The following TCF7L1 variants were observed in gnomAD, a reference collection of about 807,000 sequenced individuals.
The protein encoded by TCF7L1 is transcription factor 7 like 1, also known as transcription factor 7-like 1.
A neutral mutation model predicts 63.7 loss-of-function variants in TCF7L1; 18 were observed. That is an observed-to-expected ratio of 0.28 (90% CI 0.20 to 0.42). The LOEUF is 0.42. TCF7L1 is among the 10% of genes least tolerant of loss of function. The probability of loss-of-function intolerance (pLI) is 1.00; values close to 1 mark genes in which losing one functional copy is unlikely to be tolerated. For synonymous variants in TCF7L1, 355 were observed against 340.9 expected, an observed-to-expected ratio of 1.04 and a Z score of -0.46; for missense variants, 654 against 779.3, an observed-to-expected ratio of 0.84 and a Z score of 1.91.
At chr2:85,198,540 C>T (rs1343485647) in intron 3 of TCF7L1, among the ~76,000 whole-genome samples, 5 of 152,188 alleles carry the variant, frequency 3.3e-5, no homozygotes, top group African/African-American at 4.8e-5. Context: ...GAGCAGCCCT[C>T]GCTGGCCATG....
intron 3 of TCF7L1, among the ~76,000 whole-genome samples, chr2:85,193,114 C>T (rs932450994): frequency 6.6e-6 from 1 of 152,170 alleles, no homozygotes. Context: ...TGACTGACCA[C>T]CTTTGCTGTG....
intron 3 of TCF7L1, among the ~76,000 whole-genome samples, chr2:85,183,381 C>G (rs1253078207): frequency 1.3e-5 from 2 of 152,064 alleles, no homozygotes; most frequent in African/African-American, 2.4e-5. Context: ...CCGTGGTGTC[C>G]CTAGTCCAAG....
At chr2:85,270,489 G>C (rs1681124624) in intron 3 of TCF7L1, among the ~76,000 whole-genome samples, 1 of 152,218 alleles carries the variant, frequency 6.6e-6, no homozygotes, top group African/African-American at 2.4e-5. Context: ...AAATCAGAGA[G>C]AATAAATAGA....
intron 4 of TCF7L1, among the ~76,000 whole-genome samples, chr2:85,287,408 A>C (rs1362979733): frequency 1.3e-5 from 2 of 152,136 alleles, no homozygotes; most frequent in Non-Finnish European, 2.9e-5. Context: ...AATCCCATCA[A>C]GAGAGCTGTA....
At chr2:85,281,134 C>T (rs148621797) in intron 3 of TCF7L1, among the ~76,000 whole-genome samples, 132 of 149,884 alleles carry the variant, frequency 8.8e-4, no homozygotes, top group African/African-American at 3.1e-3. Flanking sequence ...AGTGATTCTT[C>T]TGCCTCAGCC....
intron 3 of TCF7L1, among the ~76,000 whole-genome samples, chr2:85,162,276 G>A (rs186760876): frequency 4.5e-4 from 69 of 152,198 alleles, no homozygotes; most frequent in Non-Finnish European, 6.6e-4. Context: ...AAGAAAGTCC[G>A]CATGCCTGAC....
At chr2:85,307,433 G>A (rs1682143535) in intron 10 of TCF7L1, among the ~76,000 whole-genome samples, 1 of 152,120 alleles carries the variant, frequency 6.6e-6, no homozygotes, top group Admixed American at 6.5e-5. Context: ...CACCCGACCT[G>A]GAGGGGAAAC....
chr2:85,208,264 A>G (rs901395112), intron 3 of TCF7L1, among the ~76,000 whole-genome samples: 1 of 152,186 alleles, frequency 6.6e-6, no homozygotes, highest in African/African-American at 2.4e-5. Flanking sequence ...ATCAGGATAT[A>G]ACCCCGTTGT....
chr2:85,166,668 C>T lies in TCF7L1; in HGVS notation c.441+32218C>T, dbSNP rs552808975. Among the ~76,000 whole-genome samples the T allele has an allele frequency of 1.7e-4, 26 of 152,208 alleles. No individual in the cohort carries two copies. The South Asian group carries it at 5.4e-3, about 32-fold the overall frequency. ...TTCCTACAGCCTATAATGTGAGATC[C>T]GATTACCACAGTAGATGGGAAGGCA... On this transcript the variant is annotated intron_variant, in intron 3 of 11. Coordinates refer to ENST00000282111, the MANE Select transcript of TCF7L1 (RefSeq NM_031283.3).
intron 3 of TCF7L1, among the ~76,000 whole-genome samples, chr2:85,228,642 G>A (rs1256064497): frequency 2.0e-5 from 3 of 152,038 alleles, no homozygotes; most frequent in Admixed American, 6.6e-5. Context: ...GTCACAGGAA[G>A]CAAGGAAGGA....
chr2:85,173,271 T>G (rs1678595827), intron 3 of TCF7L1, among the ~76,000 whole-genome samples: 1 of 151,346 alleles, frequency 6.6e-6, no homozygotes, highest in African/African-American at 2.4e-5. Context: ...AGCACAGACC[T>G]GCCCTTGCAC....
In TCF7L1 at chr2:85,225,856, G is replaced by C. The variant is rs1008202976; in HGVS notation, c.442-57639G>C. ...GAGAGGGCATCCCTGTCTTGTGCCG[G>C]TTTTCAAAGGGAATGCTTCTAGTTT... On this transcript the variant is annotated intron_variant, in intron 3 of 11. Transcript: ENST00000282111. Among the ~76,000 whole-genome samples, 6 of 152,172 alleles carry C rather than the reference G, an allele frequency of 3.9e-5. No individual in the cohort carries two copies. In the East Asian group the frequency reaches 9.6e-4, roughly 24 times the overall value.
rs951734822 is a variant in TCF7L1 at position 85,306,158 on chromosome 2, A to C, written c.990-48A>C. On this transcript the variant is annotated intron_variant, in intron 8 of 11. Coordinates refer to ENST00000282111, the MANE Select transcript of TCF7L1 (RefSeq NM_031283.3). The surrounding 1 kb of genome is among the most constrained non-coding windows in gnomAD (Gnocchi z 4.3). ...TTTCAGTGACAGGTGGGGATTGATG[A>C]GTTGTGTGACACCTGACATGCTAAC... The C allele has an allele frequency of 1.2e-6, 2 of 1,609,424 alleles. No individual in the cohort carries two copies. Among genetic ancestry groups the C allele is most frequent in the Non-Finnish European group, 1.7e-6 (2 of 1,176,596 alleles).
chr2:85,144,805 C>T (rs979533391), intron 3 of TCF7L1, among the ~76,000 whole-genome samples: 96 of 150,580 alleles, frequency 6.4e-4, no homozygotes, highest in Admixed American at 6.0e-4. Flanking sequence ...GAAACTCCAC[C>T]GGGCACAGTG....
intron 11 of TCF7L1, among the ~76,000 whole-genome samples, chr2:85,308,519 G>GCTTTCTCCTTCCGCCCTCC (rs532920478): frequency 1.4e-4 from 9 of 66,642 alleles, no homozygotes; most frequent in African/African-American, 5.9e-4. Flanking sequence ...TTCTTCCCTC[G>GCTTTCTCCTTCCGCCCTCC]CTTTCTCCTT....
intron 3 of TCF7L1, among the ~76,000 whole-genome samples, chr2:85,198,407 G>A (rs544727096): frequency 6.6e-6 from 1 of 152,334 alleles, no homozygotes; most frequent in Non-Finnish European, 1.5e-5. Context: ...CCGGAGCTCA[G>A]GGAGAGGTGT....
chr2:85,233,125 G>C (rs1680120359), intron 3 of TCF7L1: 2 of 151,680 alleles, frequency 1.3e-5, no homozygotes, highest in Non-Finnish European at 1.5e-5. Flanking sequence ...GTAGAGAAGA[G>C]GTCTCCCTGT....
chr2:85,255,750 G>A (rs1167688632), intron 3 of TCF7L1, among the ~76,000 whole-genome samples: 1 of 152,182 alleles, frequency 6.6e-6, no homozygotes, highest in Admixed American at 6.5e-5. Context: ...CTGTAGGCCT[G>A]CATTAGGGGA....
chr2:85,136,364 T>C (rs1435088262), intron 3 of TCF7L1, among the ~76,000 whole-genome samples: 1 of 152,186 alleles, frequency 6.6e-6, no homozygotes, highest in East Asian at 1.9e-4. Context: ...TTATGTGTTC[T>C]TTCGCCTAAG....
Sources: allele counts gnomAD v4.1 joint callset (sites outside exome capture counted in the v4.1 genomes callset), GRCh38; gene constraint gnomAD v4.1.1; non-coding constraint Gnocchi (gnomAD v3.1); transcripts MANE v1.5; gene names NCBI Gene and HGNC (gene_info 2026-07-23, HGNC 2026-07-21).